PHACTR4: variants seen among roughly 807,000 people sequenced by gnomAD.
PHACTR4 encodes phosphatase and actin regulator 4.
Under a neutral mutation model 72.7 loss-of-function variants are expected in PHACTR4, and 51 were observed. That is an observed-to-expected ratio of 0.70 (90% CI 0.56 to 0.89). The LOEUF (loss-of-function observed/expected upper bound fraction) is 0.89. Ranked by LOEUF, PHACTR4 falls within the 40% of genes least tolerant of loss-of-function variation. The pLI, the probability that PHACTR4 is intolerant of heterozygous loss-of-function variation, is 0.00. For missense variants in PHACTR4, 731 were observed against 861.8 expected, an observed-to-expected ratio of 0.85 and a Z score of 1.90; for synonymous variants, 255 against 302.5, an observed-to-expected ratio of 0.84 and a Z score of 1.63.
intron 8 of PHACTR4, 137 bp downstream of exon 8, chr1:28,476,428 C>A: frequency 1.2e-6 from 1 of 861,362 alleles, no homozygotes; most frequent in Non-Finnish European, 1.7e-6. Context: ...ATGTTGGAAG[C>A]CACTGTGAAG....
intron 1 of PHACTR4, among the ~76,000 whole-genome samples, chr1:28,388,468 A>G (rs772274721): frequency 1.4e-4 from 22 of 152,220 alleles, no homozygotes; most frequent in Non-Finnish European, 1.0e-4. Flanking sequence ...TGGGGAAAGG[A>G]CAATCAGTGT....
intron 2 of PHACTR4, among the ~76,000 whole-genome samples, chr1:28,446,086 A>G (rs376939648): frequency 6.6e-6 from 1 of 152,230 alleles, no homozygotes; most frequent in Non-Finnish European, 1.5e-5. Context: ...TATCAGAATT[A>G]TAAAGACATT....
chr1:28,444,785 T>G (rs1657324518), intron 2 of PHACTR4, among the ~76,000 whole-genome samples: 1 of 143,054 alleles, frequency 7.0e-6, no homozygotes, highest in South Asian at 2.1e-4. Flanking sequence ...CCAGCTAATT[T>G]TTTTTTTTTT....
At chr1:28,476,526 T>TG (rs1337885104) in intron 8 of PHACTR4, among the ~76,000 whole-genome samples, 11 of 144,562 alleles carry the variant, frequency 7.6e-5, no homozygotes, top group African/African-American at 2.8e-4. Context: ...TTAGGTTTTT[T>TG]GTTTTTTTTT....
intron 1 of PHACTR4, among the ~76,000 whole-genome samples, chr1:28,400,487 C>T (rs947708062): frequency 4.6e-5 from 7 of 151,792 alleles, no homozygotes; most frequent in Admixed American, 2.0e-4. Context: ...AAGCCAGGTG[C>T]GGTTTAAGGA....
chr1:28,451,098 G>T, intron 2 of PHACTR4, among the ~76,000 whole-genome samples: 1 of 150,960 alleles, frequency 6.6e-6, no homozygotes, highest in East Asian at 1.9e-4. Flanking sequence ...AGGATTATAG[G>T]CACGAGCCAC....
intron 2 of PHACTR4, chr1:28,433,047 G>A (rs943796647): frequency 1.1e-5 from 11 of 984,892 alleles, no homozygotes; most frequent in African/African-American, 1.1e-4. Flanking sequence ...CTGACCTAAG[G>A]TTTCTTGTTC....
At chr1:28,383,520 T>C (rs1392773446) in intron 1 of PHACTR4, among the ~76,000 whole-genome samples, 1 of 152,138 alleles carries the variant, frequency 6.6e-6, no homozygotes, top group African/African-American at 2.4e-5. Flanking sequence ...TCATCTCTGA[T>C]TTCTTTGAGC....
At chr1:28,452,176 A>T (rs1658025496) in intron 2 of PHACTR4, among the ~76,000 whole-genome samples, 1 of 152,086 alleles carries the variant, frequency 6.6e-6, no homozygotes, top group Non-Finnish European at 1.5e-5. Context: ...ATGTATTGAC[A>T]GATTGTTTGG....
At chr1:28,426,164 T>G (rs1003856941) in intron 2 of PHACTR4, among the ~76,000 whole-genome samples, 10 of 149,888 alleles carry the variant, frequency 6.7e-5, no homozygotes, top group African/African-American at 2.2e-4. Flanking sequence ...GAGGTTGCGG[T>G]GAGCTGAGAT....
rs1479607287 is a variant in PHACTR4 at position 28,496,829 on chromosome 1, G to A, written c.*280G>A. The A allele has an allele frequency of 1.1e-5, 6 of 523,188 alleles. No homozygotes were observed. In the Admixed American group the frequency reaches 2.0e-4, roughly 17 times the overall value. The allele number at this position is 523,188 out of a possible 1,614,324, so 32.4% of individuals were successfully genotyped here. ...TGGCCACCAAAGTTCTGAACCACTT[G>A]CAGGTTCCAGGTTTTACTGGCTGCA... is the stretch of plus-strand genomic sequence containing the variant. On this transcript the variant is annotated 3_prime_UTR_variant, in exon 14 of 14. Transcript: ENST00000373839.
At chr1:28,423,032 G>A (rs1292201177) in intron 2 of PHACTR4, among the ~76,000 whole-genome samples, 1 of 152,116 alleles carries the variant, frequency 6.6e-6, no homozygotes, top group Non-Finnish European at 1.5e-5. Context: ...CAGGTAATCC[G>A]CCTGCCTCCA....
Position 28,473,704 on chromosome 1 carries a change from A to C in PHACTR4, c.974A>C (p.Lys325Thr). The C allele has an allele frequency of 6.2e-7, 1 of 1,614,134 alleles. No homozygotes were observed. Among genetic ancestry groups the C allele is most frequent in the Non-Finnish European group, 8.5e-7 (1 of 1,180,028 alleles). Residue 325 changes from lysine (K) to threonine (T), a missense_variant, in exon 7 of 14, where the codon AAG becomes ACG. Physicochemically the swap from Lys to Thr is moderately conservative, Grantham distance 78 (BLOSUM62 -1). Transcript: ENST00000373839. ...TTKTPSDERE[K>T]STCSMGSELL... ...AAAACACCAAGTGATGAAAGAGAGA[A>C]GAGCACGTGTTCTATGGGCTCGGAA...
intron 6 of PHACTR4, among the ~76,000 whole-genome samples, chr1:28,472,262 G>A (rs913870704): frequency 1.3e-4 from 20 of 152,134 alleles, no homozygotes; most frequent in Non-Finnish European, 2.9e-4. Flanking sequence ...CAGAGACTTG[G>A]ATACCAGCTG....
intron 13 of PHACTR4, 32 bp from the exon 14 acceptor site, chr1:28,496,502 T>C (rs2124567232): frequency 1.9e-6 from 3 of 1,611,306 alleles, no homozygotes; most frequent in Non-Finnish European, 2.5e-6. Flanking sequence ...GTACATCATG[T>C]GGTAACTTGT....
chr1:28,397,098 CAT>C (rs1045376713), intron 1 of PHACTR4, among the ~76,000 whole-genome samples: 1 of 152,158 alleles, frequency 6.6e-6, no homozygotes. Context: ...TGTTTTTAGA[CAT>C]TGTGTATTTT....
chr1:28,443,271 TTCTC>T (rs906801262), intron 2 of PHACTR4, among the ~76,000 whole-genome samples: 1 of 151,890 alleles, frequency 6.6e-6, no homozygotes, highest in Non-Finnish European at 1.5e-5. Flanking sequence ...TTGTCTTTCT[TTCTC>T]TCTCTCTCTT....
At chr1:28,418,558 AT>A (rs1181022543) in intron 2 of PHACTR4, among the ~76,000 whole-genome samples, 1 of 152,200 alleles carries the variant, frequency 6.6e-6, no homozygotes, top group Non-Finnish European at 1.5e-5. Context: ...GAAAGTCTAT[AT>A]AAATTACATG....
intron 2 of PHACTR4, among the ~76,000 whole-genome samples, chr1:28,408,258 A>G (rs1654504306): frequency 2.0e-5 from 3 of 152,116 alleles, no homozygotes; most frequent in African/African-American, 2.4e-5. Context: ...TACTTGGCCA[A>G]TGGAAGATAA....
Sources: allele counts gnomAD v4.1 joint callset (sites outside exome capture counted in the v4.1 genomes callset), GRCh38; gene constraint gnomAD v4.1.1; transcripts MANE v1.5; gene names NCBI Gene and HGNC (gene_info 2026-07-23, HGNC 2026-07-21).